The following SRPK2 variants were observed in gnomAD, a reference collection of about 807,000 sequenced individuals.
SRPK2 encodes SFRS protein kinase 2.
A neutral mutation model predicts 90.8 loss-of-function variants in SRPK2; 21 were observed. That is an observed-to-expected ratio of 0.23 (90% CI 0.16 to 0.33). SRPK2 has a LOEUF of 0.33. Ranked by LOEUF, SRPK2 falls within the 10% of genes least tolerant of loss-of-function variation. The pLI, the probability that SRPK2 is intolerant of heterozygous loss-of-function variation, is 1.00. For missense variants in SRPK2, 620 were observed against 869.0 expected, an observed-to-expected ratio of 0.71 and a Z score of 3.60; for synonymous variants, 288 against 311.1, an observed-to-expected ratio of 0.93 and a Z score of 0.78.
chr7:105,285,770 G>A (rs1808021015), intron 2 of SRPK2, among the ~76,000 whole-genome samples: 3 of 152,166 alleles, frequency 2.0e-5, no homozygotes, highest in Non-Finnish European at 4.4e-5. Flanking sequence ...CACCATGATT[G>A]TAAGGTTCCT....
intron 2 of SRPK2, among the ~76,000 whole-genome samples, chr7:105,238,514 T>C (rs1349552651): frequency 6.6e-6 from 1 of 152,152 alleles, no homozygotes; most frequent in Non-Finnish European, 1.5e-5. Flanking sequence ...AGGACTCAGC[T>C]TCAGTGGCAA....
At chr7:105,183,974 A>ATTTTTTTTT (rs57622134) in intron 3 of SRPK2, among the ~76,000 whole-genome samples, 4 of 116,276 alleles carry the variant, frequency 3.4e-5, no homozygotes, top group African/African-American at 3.4e-5. Flanking sequence ...ACTATTACCA[A>ATTTTTTTTT]TTTTTTTTTT....
At chr7:105,160,051 T>G (rs1328582046) in intron 7 of SRPK2, among the ~76,000 whole-genome samples, 1 of 152,238 alleles carries the variant, frequency 6.6e-6, no homozygotes, top group South Asian at 2.1e-4. Context: ...TACTGTCTAT[T>G]AGATCTGCAG....
intron 3 of SRPK2, among the ~76,000 whole-genome samples, chr7:105,175,563 A>G (rs757174003): frequency 1.2e-4 from 18 of 152,186 alleles, no homozygotes; most frequent in Non-Finnish European, 2.4e-4. Context: ...AGAACAGTCG[A>G]GAAAATCAGT....
chr7:105,383,052 AATTTTTTTTTTTTTTTT>A (rs1320923261), intron 2 of SRPK2, among the ~76,000 whole-genome samples: 9 of 105,276 alleles, frequency 8.5e-5, no homozygotes, highest in Admixed American at 2.5e-4. Context: ...CAAAAGTAAA[AATTTTTTTTTTTTTTTT>A]TTTTTTTTTT....
At chr7:105,325,397 C>A (rs985090492) in intron 2 of SRPK2, among the ~76,000 whole-genome samples, 1 of 148,382 alleles carries the variant, frequency 6.7e-6, no homozygotes, top group Non-Finnish European at 1.5e-5. Context: ...AAATGTCATG[C>A]AGTCCACATA....
intron 2 of SRPK2, among the ~76,000 whole-genome samples, chr7:105,251,419 G>C (rs917530889): frequency 6.6e-5 from 10 of 151,954 alleles, no homozygotes; most frequent in African/African-American, 2.4e-4. Context: ...ACCCAGGCTG[G>C]TCTTGAACTC....
upstream of SRPK2, among the ~76,000 whole-genome samples, chr7:105,390,595 ATTTTTG>A (rs1350270155): frequency 1.3e-4 from 16 of 123,826 alleles, no homozygotes; most frequent in East Asian, 3.5e-3. Flanking sequence ...CATCTAGTTA[ATTTTTG>A]TTTTTGTTTT....
At position 105,200,457 on chromosome 7, in the gene SRPK2, G is replaced by T. The variant is rs1795409827; in HGVS notation, c.229+3171C>A. 2.6e-5 allele frequency among the ~76,000 whole-genome samples: 4 copies of T among 152,158 alleles called. No individual in the cohort carries two copies. The South Asian group carries it at 8.3e-4, about 31-fold the overall frequency. Reference sequence around the variant, plus strand: ...TGATCATAACCCACTGAATAAAACAGAGATCCATGAATTTATCAGTCCACC... The same window carrying T: ...TGATCATAACCCACTGAATAAAACATAGATCCATGAATTTATCAGTCCACC... On this transcript the variant is annotated intron_variant, in intron 3 of 15. Coordinates refer to ENST00000393651, the MANE Select transcript of SRPK2 (RefSeq NM_182692.3).
chr7:105,259,656 C>A (rs919810360), intron 2 of SRPK2, among the ~76,000 whole-genome samples: 15 of 152,178 alleles, frequency 9.9e-5, no homozygotes, highest in South Asian at 8.3e-4. Flanking sequence ...CTACAGTAAC[C>A]AAAACAGCAT....
rs533384358 is a variant in SRPK2, at chr7:105,323,194, GA to G, written c.71+65453del. On this transcript the variant is annotated intron_variant, in intron 2 of 15. Coordinates refer to ENST00000393651, the MANE Select transcript of SRPK2 (RefSeq NM_182692.3). ...GACAGAGTGAGACTCCATCCAAAAA[GA>G]AAAAAAAAGTCCTACAAAAAGAAAC... Among the ~76,000 whole-genome samples the G allele has an allele frequency of 2.3e-3, 349 of 148,826 alleles. 1 individual carries two copies. Among genetic ancestry groups the G allele is most frequent in the African/African-American group, 8.2e-3 (334 of 40,588 alleles).
intron 2 of SRPK2, among the ~76,000 whole-genome samples, chr7:105,370,510 A>G (rs1000377796): frequency 6.6e-6 from 1 of 152,156 alleles, no homozygotes. Flanking sequence ...TGATTTGAAA[A>G]TTATAATGCC....
At chr7:105,204,105 T>C (rs2129610322) in intron 2 of SRPK2, among the ~76,000 whole-genome samples, 1 of 152,302 alleles carries the variant, frequency 6.6e-6, no homozygotes, top group East Asian at 1.9e-4. Context: ...CTGGGAAATT[T>C]AAGTGAAATG....
chr7:105,181,791 GA>G (rs1167932951), intron 3 of SRPK2, among the ~76,000 whole-genome samples: 1 of 148,100 alleles, frequency 6.8e-6, no homozygotes, highest in Non-Finnish European at 1.5e-5. Context: ...CCTGGGTGAT[GA>G]AATAATCTAT....
At chr7:105,197,168 G>A (rs1795018158) in intron 3 of SRPK2, among the ~76,000 whole-genome samples, 1 of 152,106 alleles carries the variant, frequency 6.6e-6, no homozygotes, top group Non-Finnish European at 1.5e-5. Context: ...TAAATTTTGT[G>A]AGTTATTAAA....
rs903527596 is a variant in SRPK2 at position 105,343,757 on chromosome 7, CTTTTTTA to C, written c.71+44884_71+44890del. ...TATCTCTTAGTTTACAATGTCATAT[CTTTTTTA>C]TTTTTTATTTTTTTGGAGATGGAGT... is the stretch of plus-strand genomic sequence containing the variant. On this transcript the variant is annotated intron_variant, in intron 2 of 15. Coordinates refer to ENST00000393651, the MANE Select transcript of SRPK2 (RefSeq NM_182692.3). 1.2e-3 allele frequency among the ~76,000 whole-genome samples: 188 copies of C among 152,098 alleles called. 1 individual carries two copies. The highest frequency in any genetic ancestry group is 4.3e-3 in the African/African-American group (178 of 41,500).
chr7:105,214,744 A>G (rs1336522765), intron 2 of SRPK2, among the ~76,000 whole-genome samples: 1 of 152,208 alleles, frequency 6.6e-6, no homozygotes, highest in East Asian at 1.9e-4. Flanking sequence ...TGGATTGGAG[A>G]CTTAATACTG....
chr7:105,143,546 G>A, intron 9 of SRPK2: 1 of 598,142 alleles, frequency 1.7e-6, no homozygotes, highest in South Asian at 2.1e-5. Context: ...TCTACTACCA[G>A]GTCCTGCCCT....
intron 11 of SRPK2, 72 bp from the exon 12 acceptor site, chr7:105,133,176 C>G: frequency 1.5e-6 from 2 of 1,369,518 alleles, no homozygotes; most frequent in Admixed American, 3.4e-5. Context: ...CAGTGTTTGC[C>G]AGGGTCAGTC....
Sources: gnomAD v4.1 joint callset for allele counts (sites outside exome capture counted in the v4.1 genomes callset) on GRCh38, gnomAD v4.1.1 for gene constraint, MANE v1.5 for transcripts, NCBI Gene and HGNC (gene_info 2026-07-23, HGNC 2026-07-21) for gene names.